Variants in PCYT1A observed in about 807,000 individuals in gnomAD.
PCYT1A encodes phosphate cytidylyltransferase 1A, choline.
A neutral mutation model predicts 43.7 loss-of-function variants in PCYT1A; 25 were observed. The observed-to-expected ratio is 0.57, with a 90% confidence interval of 0.42 to 0.80. PCYT1A has a LOEUF of 0.80. Ranked by LOEUF, PCYT1A falls within the 30% of genes least tolerant of loss-of-function variation. The probability of loss-of-function intolerance (pLI) is 0.00; values close to 1 mark genes in which losing one functional copy is unlikely to be tolerated. For missense variants in PCYT1A, 421 were observed against 474.2 expected (o/e 0.89, Z 1.04); for synonymous variants, 172 against 170.7 (o/e 1.01, Z -0.06).
chr3:196,250,726 C>T (rs1724739519), intron 3 of PCYT1A: 1 of 168,020 alleles, frequency 6.0e-6, no homozygotes, highest in Non-Finnish European at 1.3e-5. Flanking sequence ...GGCTGAGGAT[C>T]AGATACACTA....
chr3:196,268,749 C>T lies in PCYT1A; in HGVS notation c.117+1666G>A, dbSNP rs12635925. On this transcript the variant is annotated intron_variant, in intron 2 of 8. Transcript: ENST00000431016. This position sits in a 1 kb window ranked among gnomAD's most constrained non-coding sequence, Gnocchi z 4.4. ...GGCAGACGTTGCAGTGAACCGGGAC[C>T]GCACCACTGCACTCCAGCCTGGGTG... Among the ~76,000 whole-genome samples the T allele has an allele frequency of 0.24, 35,809 of 152,048 alleles. 5,866 individuals are homozygous for T. Among genetic ancestry groups the T allele is most frequent in the East Asian group, 0.77 (3,966 of 5,184 alleles).
chr3:196,261,715 G>A (rs534944898), intron 2 of PCYT1A, among the ~76,000 whole-genome samples: 46 of 151,736 alleles, frequency 3.0e-4, no homozygotes, highest in Non-Finnish European at 5.7e-4. Context: ...GCTTGAACTC[G>A]GGATGCGGAG....
intron 2 of PCYT1A, among the ~76,000 whole-genome samples, chr3:196,269,522 A>G (rs1468168695): frequency 1.3e-5 from 2 of 152,052 alleles, no homozygotes; most frequent in African/African-American, 4.8e-5. Context: ...TTTATTATGG[A>G]AAGTTTTAGG....
At chr3:196,280,589 T>TTTTC (rs1553837246) in intron 1 of PCYT1A, among the ~76,000 whole-genome samples, 2 of 145,988 alleles carry the variant, frequency 1.4e-5, no homozygotes, top group Non-Finnish European at 3.0e-5. Flanking sequence ...TTTTTTTTTT[T>TTTTC]CTGAATATTT....
intron 2 of PCYT1A, among the ~76,000 whole-genome samples, chr3:196,266,791 G>A (rs1202005955): frequency 6.6e-6 from 1 of 152,044 alleles, no homozygotes; most frequent in Non-Finnish European, 1.5e-5. Context: ...TACTCAGGAG[G>A]CTAAGGCAGG....
Position 196,266,330 on chromosome 3 carries a change from A to G in PCYT1A, c.117+4085T>C, listed in dbSNP as rs1006641624. Among the ~76,000 whole-genome samples the G allele has an allele frequency of 7.3e-5, 11 of 151,412 alleles. No homozygotes were observed. The East Asian group carries it at 1.8e-3, about 25-fold the overall frequency. ...TACTAAAAAATACAAAAAATTAGCC[A>G]GGCTTGGTGGCGGGCGCCTGTAGTC... On this transcript the variant is annotated intron_variant, in intron 2 of 8. Coordinates refer to ENST00000431016, the MANE Select transcript of PCYT1A (RefSeq NM_001312673.2).
At chr3:196,286,061 CTTTTTT>C (rs533707821) in intron 1 of PCYT1A, among the ~76,000 whole-genome samples, 2 of 124,494 alleles carry the variant, frequency 1.6e-5, no homozygotes. Flanking sequence ...ACCACTGTCC[CTTTTTT>C]TTTTTTTTTT....
rs1725515815 is a variant in PCYT1A, at chr3:196,273,986, A to G, written c.-10-3445T>C. On this transcript the variant is annotated intron_variant, in intron 1 of 8. Transcript: ENST00000431016. The surrounding 1 kb of genome is among the most constrained non-coding windows in gnomAD (Gnocchi z 4.1). ...TGCAGGCCTGAATGGAGCTGCTCTC[A>G]GCTCCGCCTTGGCGTCCCCTCCTGT... Among the ~76,000 whole-genome samples, 1 of 152,338 alleles carries G rather than the reference A, an allele frequency of 6.6e-6. No individual in the cohort carries two copies. Among genetic ancestry groups the G allele is most frequent in the East Asian group, 1.9e-4 (1 of 5,182 alleles).
intron 3 of PCYT1A, among the ~76,000 whole-genome samples, chr3:196,254,381 G>T (rs753019908): frequency 4.0e-5 from 6 of 151,128 alleles, no homozygotes; most frequent in Non-Finnish European, 7.4e-5. Context: ...TTAAGATAGG[G>T]TCTCTGTCAC....
At position 196,237,376 on chromosome 3, in the gene PCYT1A, C is replaced by T. The variant is rs1185416753; in HGVS notation, c.*1312G>A. The T allele has an allele frequency of 1.3e-5, 2 of 152,258 alleles. No homozygotes were observed. Among genetic ancestry groups the T allele is most frequent in the African/African-American group, 4.8e-5 (2 of 41,438 alleles). 9.4% of individuals were successfully genotyped at this position (152,258 alleles called of 1,614,324 possible). On this transcript the variant is annotated 3_prime_UTR_variant, in exon 9 of 9. Transcript: ENST00000431016. ...ATTTGAAAGTCAAGTGTTGAATCCC[C>T]CCGGGCAAGCCAACAAGGCAGATGG...
At chr3:196,250,183 C>T (rs1489989059) in intron 3 of PCYT1A, among the ~76,000 whole-genome samples, 2 of 135,284 alleles carry the variant, frequency 1.5e-5, no homozygotes, top group Non-Finnish European at 3.3e-5. Context: ...AGGCTGAGGA[C>T]CAGGTACACC....
chr3:196,259,531 TTTTGTTTG>T (rs1265935221), intron 2 of PCYT1A, among the ~76,000 whole-genome samples: 1 of 152,174 alleles, frequency 6.6e-6, no homozygotes, highest in African/African-American at 2.4e-5. Flanking sequence ...AACACGTTTT[TTTTGTTTG>T]TTTGTTTGTT....
chr3:196,284,340 G>C (rs897769919), intron 1 of PCYT1A, among the ~76,000 whole-genome samples: 1 of 152,098 alleles, frequency 6.6e-6, no homozygotes, highest in South Asian at 2.1e-4. Flanking sequence ...CTAACTTAAA[G>C]GCCAGACAGC....
At chr3:196,266,019 G>A (rs1200723548) in intron 2 of PCYT1A, among the ~76,000 whole-genome samples, 2 of 150,122 alleles carry the variant, frequency 1.3e-5, no homozygotes, top group African/African-American at 2.4e-5. Flanking sequence ...GATGACAGGC[G>A]TGAGCCACTG....
Position 196,239,703 on chromosome 3 carries a change from G to A in PCYT1A, c.741C>T (p.Asp247=). The A allele has an allele frequency of 2.5e-6, 4 of 1,609,948 alleles. No homozygotes were observed. Among genetic ancestry groups the A allele is most frequent in the Non-Finnish European group, 2.5e-6 (3 of 1,176,688 alleles). ...EKKYHLQERV[D]KVKKKVKDVE... ...CATCTTTCACTTTCTTCTTTACTTT[G>A]TCAACCCTCTCCTGCAAGTGGTATT... The change falls in exon 8 of 9, where the codon GAC becomes GAT. Residue 247 remains aspartate, a synonymous_variant. Transcript: ENST00000431016.
intron 2 of PCYT1A, among the ~76,000 whole-genome samples, chr3:196,266,131 G>A (rs1202653967): frequency 6.6e-6 from 1 of 151,770 alleles, no homozygotes; most frequent in Non-Finnish European, 1.5e-5. Flanking sequence ...GGAAGGTCTT[G>A]TTTATCTTTA....
intron 4 of PCYT1A, 156 bp downstream of exon 4, chr3:196,248,051 T>C (rs1216759198): frequency 1.4e-5 from 9 of 642,572 alleles, no homozygotes; most frequent in Non-Finnish European, 2.5e-5. Flanking sequence ...CCAGGTTTAG[T>C]TTGCTGGTAC....
At chr3:196,245,882 C>T (rs1320117514) in intron 5 of PCYT1A, among the ~76,000 whole-genome samples, 3 of 148,994 alleles carry the variant, frequency 2.0e-5, no homozygotes, top group African/African-American at 5.0e-5. Flanking sequence ...ACCCGGGAGG[C>T]GGAGGTTGCG....
At chr3:196,278,927 G>A (rs564209006) in intron 1 of PCYT1A, among the ~76,000 whole-genome samples, 18 of 144,512 alleles carry the variant, frequency 1.2e-4, no homozygotes, top group African/African-American at 3.4e-4. Context: ...GTTGCAGTGA[G>A]CCAAGATCGT....
Sources: allele counts gnomAD v4.1 joint callset (sites outside exome capture counted in the v4.1 genomes callset), GRCh38; gene constraint gnomAD v4.1.1; non-coding constraint Gnocchi (gnomAD v3.1); transcripts MANE v1.5; gene names NCBI Gene and HGNC (gene_info 2026-07-23, HGNC 2026-07-21).